PPWD1: variants seen among roughly 807,000 people sequenced by gnomAD.
PPWD1 encodes the protein peptidylprolyl isomerase domain and WD repeat-containing protein 1.
Under a neutral mutation model 68.8 loss-of-function variants are expected in PPWD1, and 43 were observed. The observed-to-expected ratio is 0.62, with a 90% CI of 0.49 to 0.81. PPWD1 has a LOEUF of 0.81. PPWD1 is among the 30% of genes least tolerant of loss of function. PPWD1 has a pLI of 0.00. For synonymous variants in PPWD1, 232 were observed against 258.7 expected (o/e 0.90, Z 0.99); for missense variants, 672 against 804.8 (o/e 0.83, Z 2.00).
intron 8 of PPWD1, among the ~76,000 whole-genome samples, chr5:65,583,949 T>A (rs1483272238): frequency 6.6e-6 from 1 of 152,058 alleles, no homozygotes; most frequent in East Asian, 1.9e-4. Context: ...GAGACCCTGT[T>A]TCTACAAAAA....
In PPWD1 at chr5:65,576,817, G is replaced by A. The variant is rs1190707576; in HGVS notation, c.970-62G>A. 2.0e-6 allele frequency: 3 copies of A among 1,538,432 alleles called. No individual in the cohort carries two copies. The African/African-American group carries it at 4.2e-5, about 21-fold the overall frequency. ...TTCTCATTGCATATATAGATAGATG[G>A]GTTGATATAGATATAGGTATATGTA... On this transcript the variant is annotated intron_variant, in intron 5 of 10. Transcript: ENST00000261308.
rs762944460 is a variant in PPWD1 at position 65,586,132 on chromosome 5, C to T, written c.1748C>T (p.Ala583Val). The change falls in exon 10 of 11, where the codon GCG becomes GTG. Residue 583 changes from alanine (A) to valine (V), a missense_variant. Physicochemically the swap from Ala to Val is moderately conservative, Grantham distance 64 (BLOSUM62 0). Transcript: ENST00000261308. ...CCATACACACTCAGCATGGCTAACGCGGGATCAAATACTAATGGATCCCAG... is the reference window on the plus strand; with the variant it reads ...CCATACACACTCAGCATGGCTAACGTGGGATCAAATACTAATGGATCCCAG... The part of the protein sequence containing the change: ...DRPYTLSMAN[A>V]GSNTNGSQFF... 5.0e-6 allele frequency: 8 copies of T among 1,613,222 alleles called. No homozygotes were observed. Among genetic ancestry groups the T allele is most frequent in the East Asian group, 2.2e-5 (1 of 44,886 alleles).
At chr5:65,567,391 AAAACT>A (rs1177781833) in intron 1 of PPWD1, 117 bp from the exon 2 acceptor site, 23 of 1,346,258 alleles carry the variant, frequency 1.7e-5, no homozygotes, top group Non-Finnish European at 1.6e-5. Context: ...TGAATTGAGA[AAAACT>A]AAAATCCAGG....
intron 1 of PPWD1, chr5:65,563,955 G>A (rs932796537): frequency 1.0e-6 from 1 of 1,003,034 alleles, no homozygotes; most frequent in Non-Finnish European, 1.5e-6. Context: ...GGTAGGTAAA[G>A]ATAATTTCAA....
intron 6 of PPWD1, 33 bp downstream of exon 6, chr5:65,577,102 A>C (rs753384455): frequency 6.3e-7 from 1 of 1,583,512 alleles, no homozygotes; most frequent in African/African-American, 1.3e-5. Flanking sequence ...TTTTTTAAAA[A>C]TGTGTTTGTG....
chr5:65,578,773 CAT>C (rs1411768135), intron 6 of PPWD1, among the ~76,000 whole-genome samples: 7 of 63,648 alleles, frequency 1.1e-4, no homozygotes, highest in East Asian at 2.7e-4. Context: ...TATATATATA[CAT>C]ATATATGTGT....
At chr5:65,579,381 A>G (rs758794911) in intron 6 of PPWD1, 43 bp from the exon 7 acceptor site, 1 of 1,416,516 alleles carries the variant, frequency 7.1e-7, no homozygotes, top group East Asian at 2.6e-5. Flanking sequence ...AATTGGAATT[A>G]ACTTCGGTGA....
intron 8 of PPWD1, among the ~76,000 whole-genome samples, chr5:65,584,253 T>C (rs940556774): frequency 1.3e-5 from 2 of 152,188 alleles, no homozygotes; most frequent in African/African-American, 4.8e-5. Flanking sequence ...CTCTTCGGCC[T>C]TGTTTGCTGA....
intron 5 of PPWD1, among the ~76,000 whole-genome samples, chr5:65,573,294 TA>T (rs1196994008): frequency 1.3e-5 from 2 of 150,064 alleles, no homozygotes; most frequent in Non-Finnish European, 3.0e-5. Flanking sequence ...TTTTATTTTT[TA>T]TTATTTATTT....
At chr5:65,569,028 A>G (rs1325705327) in intron 2 of PPWD1, 5 of 455,550 alleles carry the variant, frequency 1.1e-5, no homozygotes, top group East Asian at 1.4e-4. Context: ...ACTATTTCCT[A>G]CTTATAAAAT....
At chr5:65,569,461 G>A (rs1752919159) in intron 2 of PPWD1, 171 bp from the exon 3 acceptor site, 1 of 583,944 alleles carries the variant, frequency 1.7e-6, no homozygotes, top group Non-Finnish European at 2.6e-6. Context: ...CCAGAAAGGA[G>A]TTTCAAAATT....
chr5:65,582,263 T>G (rs921101629), intron 7 of PPWD1, among the ~76,000 whole-genome samples: 5 of 152,160 alleles, frequency 3.3e-5, no homozygotes, highest in African/African-American at 9.7e-5. Flanking sequence ...AGTCCAGAGT[T>G]TTAACAACTG....
chr5:65,587,359 A>T lies in PPWD1; in HGVS notation c.1904A>T (p.Tyr635Phe), dbSNP rs1414112484. ...VKVNPKTDKPYEDVSIINITV... is the reference protein window; with the variant it reads ...VKVNPKTDKPFEDVSIINITV... The stretch of plus-strand genomic sequence containing the variant: ...GTCAATCCCAAAACAGATAAGCCCT[A>T]TGAGGATGTCAGCATCATAAATATT... The change falls in exon 11 of 11, where the codon TAT becomes TTT. Residue 635 changes from tyrosine to phenylalanine, a missense_variant. Transcript: ENST00000261308. 1 of 1,611,998 alleles carries T rather than the reference A, an allele frequency of 6.2e-7. No individual in the cohort carries two copies. Among genetic ancestry groups the T allele is most frequent in the Non-Finnish European group, 8.5e-7 (1 of 1,178,850 alleles).
chr5:65,564,958 G>A (rs1393804182), intron 1 of PPWD1, among the ~76,000 whole-genome samples: 1 of 152,130 alleles, frequency 6.6e-6, no homozygotes, highest in Non-Finnish European at 1.5e-5. Flanking sequence ...TCATAACTCT[G>A]AGGTAGTTAT....
chr5:65,582,203 A>T (rs577079587), intron 7 of PPWD1, among the ~76,000 whole-genome samples: 1 of 152,304 alleles, frequency 6.6e-6, no homozygotes, highest in African/African-American at 2.4e-5. Context: ...TACATCAGAT[A>T]GAGGTTGCTT....
chr5:65,573,396 G>A lies in PPWD1; in HGVS notation c.969+1110G>A, dbSNP rs1189836582. Among the ~76,000 whole-genome samples the A allele has an allele frequency of 9.7e-4, 142 of 146,178 alleles. 1 individual carries two copies. Among genetic ancestry groups the A allele is most frequent in the African/African-American group, 3.5e-3 (137 of 39,564 alleles). ...CAACCTCCGCCCCCTGGGTTCAAGC[G>A]ATTCTCCTGTCTCAGCTTCCCAAGT... On this transcript the variant is annotated intron_variant, in intron 5 of 10. Coordinates refer to ENST00000261308, the MANE Select transcript of PPWD1 (RefSeq NM_015342.4).
At chr5:65,564,471 G>A (rs976436881) in intron 1 of PPWD1, among the ~76,000 whole-genome samples, 1 of 152,044 alleles carries the variant, frequency 6.6e-6, no homozygotes, top group African/African-American at 2.4e-5. Flanking sequence ...TGGGGCTACA[G>A]GCGCACGCCC....
chr5:65,572,982 T>G (rs1481970146), intron 5 of PPWD1, among the ~76,000 whole-genome samples: 1 of 152,220 alleles, frequency 6.6e-6, no homozygotes, highest in South Asian at 2.1e-4. Flanking sequence ...GTCATTCCTT[T>G]GCCTAGAACT....
chr5:65,586,719 C>A (rs992647973), intron 10 of PPWD1, among the ~76,000 whole-genome samples: 1 of 152,110 alleles, frequency 6.6e-6, no homozygotes, highest in Non-Finnish European at 1.5e-5. Context: ...CTACCATCTG[C>A]CAGGCACATA....
Sources: allele counts gnomAD v4.1 joint callset (sites outside exome capture counted in the v4.1 genomes callset), GRCh38; gene constraint gnomAD v4.1.1; transcripts MANE v1.5; gene names NCBI Gene and HGNC (gene_info 2026-07-23, HGNC 2026-07-21).